SLC12A3: variants seen among roughly 807,000 people sequenced by gnomAD.
The protein encoded by SLC12A3 is solute carrier family 12 member 3.
In SLC12A3, 104 loss-of-function variants were observed where a neutral mutation model predicts 121.0. The observed-to-expected ratio is 0.86, with a 90% CI of 0.73 to 1.01. SLC12A3 has a LOEUF of 1.01. SLC12A3 is among the 50% of genes least tolerant of loss of function. The pLI is 0.00. For missense variants in SLC12A3, 1,328 were observed against 1,356.3 expected (o/e 0.98, Z 0.33); for synonymous variants, 536 against 533.4 (o/e 1.00, Z -0.07).
chr16:56,886,868 G>A (rs1274645932), intron 16 of SLC12A3, 85 bp from the exon 17 acceptor site: 4 of 1,588,014 alleles, frequency 2.5e-6, no homozygotes, highest in Non-Finnish European at 2.6e-6. Flanking sequence ...AGCCCCTGGG[G>A]CAGCCTCCAG....
rs747107960 is a variant in SLC12A3, at chr16:56,870,226, C to A, written c.732C>A (p.Asp244Glu). ...HTVGFAETVR[D>E]LLQEYGAPIV... ...TGGGCTTTGCAGAGACCGTGCGGGA[C>A]CTGCTCCAGGTGAGGCCGGGGGGCT... is the stretch of plus-strand genomic sequence containing the variant. The change falls in exon 5 of 26, where the codon GAC (aspartate) becomes GAA (glutamate). Residue 244 changes from aspartate to glutamate, a missense_variant. Transcript: ENST00000563236. 20 of 1,613,280 alleles carry A rather than the reference C, an allele frequency of 1.2e-5. No individual in the cohort carries two copies. Among genetic ancestry groups the A allele is most frequent in the South Asian group, 5.5e-5 (5 of 91,084 alleles).
rs1389415239 is a variant in SLC12A3, at chr16:56,867,177, C to G, written c.390C>G (p.Pro130=). ...GEAGTSSEKN[P]EEPVRFGWVK... ...CAGGCACCAGCAGCGAGAAGAACCC[C>G]GAGGAGCCAGTGCGCTTCGGCTGGG... The change falls in exon 2 of 26, where the codon CCC becomes CCG. Residue 130 remains proline (P), a synonymous_variant. Coordinates refer to ENST00000563236, the MANE Select transcript of SLC12A3 (RefSeq NM_001126108.2). The G allele has an allele frequency of 1.9e-6, 3 of 1,613,574 alleles. No individual in the cohort carries two copies. The highest frequency in any genetic ancestry group is 1.3e-5 in the African/African-American group (1 of 74,976).
intron 13 of SLC12A3, among the ~76,000 whole-genome samples, chr16:56,883,005 T>C (rs546108816): frequency 1.7e-4 from 26 of 152,232 alleles, no homozygotes; most frequent in South Asian, 1.7e-3. Context: ...GCACTGACAG[T>C]GTGCACTTTA....
chr16:56,883,938 G>T lies in SLC12A3; in HGVS notation c.1670-111G>T, dbSNP rs34362171. ...CTCATGGCTGGTGGGTACAGGCTGG[G>T]ACCCCGGCTCTGGGCACTGCTGGCA... On this transcript the variant is annotated intron_variant, in intron 13 of 25. Transcript: ENST00000563236. The T allele has an allele frequency of 7.5e-3, 9,276 of 1,232,300 alleles. 512 individuals are homozygous for T. The African/African-American group carries it at 0.12, about 15-fold the overall frequency. The allele number at this position is 1,232,300 out of a possible 1,614,324, so 76.3% of individuals were successfully genotyped here. A position where few individuals can be genotyped will look rare whatever the true frequency, so the allele number is the denominator to read the frequency against.
In SLC12A3 at chr16:56,879,220, A is replaced by G. The variant is rs762693288; in HGVS notation, c.1328A>G (p.Tyr443Cys). 6.2e-7 allele frequency: 1 copy of G among 1,613,822 alleles called. No homozygotes were observed. The highest frequency in any genetic ancestry group is 1.7e-5 in the Admixed American group (1 of 60,020). The change falls in exon 10 of 26, where the codon TAT becomes TGT. Residue 443 changes from tyrosine (Y) to cysteine (C), a missense_variant. By Grantham distance (194) the Tyr-to-Cys change is radical. Coordinates refer to ENST00000563236, the MANE Select transcript of SLC12A3 (RefSeq NM_001126108.2). ...QHSCHYGLIN[Y>C]YQTMSMVSGF... ...AGCTGCCACTACGGCCTCATCAACT[A>G]TTACCAGGTACTGCCAGGAGAGCTG... is the stretch of plus-strand genomic sequence containing the variant.
chr16:56,893,954 T>C (rs2055425068), intron 21 of SLC12A3, among the ~76,000 whole-genome samples: 1 of 123,216 alleles, frequency 8.1e-6, no homozygotes, highest in African/African-American at 3.0e-5. Flanking sequence ...ATTTTTGTAT[T>C]TTTATTTTTA....
chr16:56,904,228 G>T (rs1431703086), intron 24 of SLC12A3, 167 bp from the exon 25 acceptor site: 1 of 681,352 alleles, frequency 1.5e-6, no homozygotes, highest in East Asian at 2.9e-5. Context: ...TACTCTGAGG[G>T]TCCCCTTCTT....
intron 24 of SLC12A3, among the ~76,000 whole-genome samples, chr16:56,903,355 G>A (rs1221714456): frequency 1.3e-5 from 2 of 152,108 alleles, no homozygotes; most frequent in East Asian, 1.9e-4. Context: ...GAGTGCGAGC[G>A]AGAGCGATGG....
rs189908175 is a variant in SLC12A3, at chr16:56,894,211, G to A, written c.2522-320G>A. Among the ~76,000 whole-genome samples the A allele has an allele frequency of 4.1e-3, 630 of 152,070 alleles. 1 individual carries two copies. The highest frequency in any genetic ancestry group is 0.017 in the South Asian group (80 of 4,816). On this transcript the variant is annotated intron_variant, in intron 21 of 25. Transcript: ENST00000563236. ...GTAGAGATAGGGTTTTACCATGTTGGCCAGGTTGGTCTTGAACTCCTGACC... is the reference window on the plus strand; with the variant it reads ...GTAGAGATAGGGTTTTACCATGTTGACCAGGTTGGTCTTGAACTCCTGACC...
intron 13 of SLC12A3, among the ~76,000 whole-genome samples, chr16:56,883,349 C>T (rs373076505): frequency 1.1e-4 from 16 of 143,126 alleles, no homozygotes; most frequent in South Asian, 6.6e-4. Context: ...TGCACGATCT[C>T]GGCTCACTGC....
chr16:56,906,904 C>T (rs376980055), intron 25 of SLC12A3: 8 of 500,568 alleles, frequency 1.6e-5, no homozygotes, highest in Admixed American at 2.7e-5. Context: ...GTAAAGGCCA[C>T]GTTGGTGCTG....
At chr16:56,870,886 G>A (rs2055087181) in intron 6 of SLC12A3, 150 bp downstream of exon 6, 1 of 602,888 alleles carries the variant, frequency 1.7e-6, no homozygotes, top group East Asian at 2.8e-5. Flanking sequence ...CCATGCTGGA[G>A]TGCAGTGGTA....
rs1400026397 is a variant in SLC12A3, at chr16:56,868,430, C to T, written c.505+58C>T. On this transcript the variant is annotated intron_variant, in intron 3 of 25. Coordinates refer to ENST00000563236, the MANE Select transcript of SLC12A3 (RefSeq NM_001126108.2). ...CTTGCCTGAATCCCATTCTTCCCAGCTTGCCTGAATCCTGTTCTTCCCAGA... is the reference window on the plus strand; with the variant it reads ...CTTGCCTGAATCCCATTCTTCCCAGTTTGCCTGAATCCTGTTCTTCCCAGA... The T allele has an allele frequency of 9.9e-6, 15 of 1,511,616 alleles. No homozygotes were observed. The East Asian group carries it at 2.6e-4, about 26-fold the overall frequency. 93.6% of individuals were successfully genotyped at this position (1,511,616 alleles called of 1,614,324 possible).
In SLC12A3 at chr16:56,865,485, C is replaced by G. The variant is rs1295338091; in HGVS notation, c.250C>G (p.Pro84Ala). The G allele has an allele frequency of 6.2e-7, 1 of 1,613,624 alleles. No individual in the cohort carries two copies. ...GCCTGGTGAGCCCCGGAAGGTCCGGCCCACACTGGCTGACCTGCACTCCTT... is the reference window on the plus strand; with the variant it reads ...GCCTGGTGAGCCCCGGAAGGTCCGGGCCACACTGGCTGACCTGCACTCCTT... ...TQPGEPRKVR[P>A]TLADLHSFLK... Residue 84 changes from proline to alanine, a missense_variant, in exon 1 of 26, where the codon CCC (proline) becomes GCC (alanine). Transcript: ENST00000563236.
At chr16:56,870,597 T>G (rs763271248) in intron 5 of SLC12A3, 29 bp from the exon 6 acceptor site, 7 of 1,445,464 alleles carry the variant, frequency 4.8e-6, no homozygotes, top group African/African-American at 2.8e-5. Context: ...AGAGGGTGGC[T>G]TGCAGCCTGG....
chr16:56,902,232 A>G (rs2144766191), intron 23 of SLC12A3, 141 bp from the exon 24 acceptor site: 1 of 1,057,252 alleles, frequency 9.5e-7, no homozygotes, highest in East Asian at 2.6e-5. Context: ...CATGGAAGCC[A>G]CTTTGTAAAT....
At chr16:56,897,118 A>C (rs538144692) in intron 22 of SLC12A3, among the ~76,000 whole-genome samples, 3 of 151,878 alleles carry the variant, frequency 2.0e-5, no homozygotes, top group Admixed American at 2.0e-4. Flanking sequence ...TCTAATTCAG[A>C]ATGTGAGTTG....
intron 2 of SLC12A3, among the ~76,000 whole-genome samples, 158 bp downstream of exon 2, chr16:56,867,374 A>AAT (rs1459526826): frequency 6.6e-6 from 1 of 152,182 alleles, no homozygotes; most frequent in African/African-American, 2.4e-5. Context: ...ACAATAGATT[A>AAT]AAGCCTGCCG....
At chr16:56,878,933 C>G in intron 9 of SLC12A3, 140 bp from the exon 10 acceptor site, 1 of 1,034,262 alleles carries the variant, frequency 9.7e-7, no homozygotes, top group Non-Finnish European at 1.5e-6. Flanking sequence ...GGCACACCTT[C>G]ATTGTCATCA....
Sources: allele counts gnomAD v4.1 joint callset (sites outside exome capture counted in the v4.1 genomes callset), GRCh38; gene constraint gnomAD v4.1.1; transcripts MANE v1.5; gene names NCBI Gene and HGNC (gene_info 2026-07-23, HGNC 2026-07-21).